The following TMEM64 variants were observed in gnomAD, a reference collection of about 807,000 sequenced individuals.
The protein encoded by TMEM64 is transmembrane protein 64.
TMEM64 carries 19 observed loss-of-function variants against 24.5 expected under a neutral mutation model. The observed-to-expected ratio is 0.78, with a 90% confidence interval of 0.54 to 1.14. The LOEUF is 1.14. Ranked by LOEUF, TMEM64 falls within the 50% of genes most tolerant of loss-of-function variation. The pLI, the probability that TMEM64 is intolerant of heterozygous loss-of-function variation, is 0.00. For synonymous variants in TMEM64, 262 were observed against 224.7 expected (o/e 1.17, Z -1.49); for missense variants, 487 against 493.0 (o/e 0.99, Z 0.12).
rs1206755269 is a variant in TMEM64, at chr8:90,645,723, G to GGCCGCCGCTGCT, written c.171_182dup (p.Ala58_Ala61dup). On this transcript the variant is annotated inframe_insertion, in exon 1 of 3. Transcript: ENST00000458549. This position sits in a 1 kb window ranked among gnomAD's most constrained non-coding sequence, Gnocchi z 4.2. ...GATAGGCGCCGAGCAGGGCGCCCGA[G>GGCCGCCGCTGCT]GCCGCCGCTGCTGCCGCCGCCGCGC... is the stretch of plus-strand genomic sequence containing the variant. The GGCCGCCGCTGCT allele has an allele frequency of 8.4e-7, 1 of 1,186,940 alleles. No homozygotes were observed. The highest frequency in any genetic ancestry group is 1.0e-6 in the Non-Finnish European group (1 of 960,558). 73.5% of individuals were successfully genotyped at this position (1,186,940 alleles called of 1,614,324 possible).
intron 1 of TMEM64, among the ~76,000 whole-genome samples, chr8:90,640,778 T>A (rs1271269888): frequency 2.0e-5 from 3 of 152,166 alleles, no homozygotes; most frequent in African/African-American, 7.2e-5. Flanking sequence ...TGATGACATC[T>A]TTCACTATTA....
Position 90,645,805 on chromosome 8 carries a change from G to C in TMEM64, c.101C>G (p.Pro34Arg). 1 of 1,031,300 alleles carries C rather than the reference G, an allele frequency of 9.7e-7. No individual in the cohort carries two copies. Among genetic ancestry groups the C allele is most frequent in the South Asian group, 4.4e-5 (1 of 22,560 alleles). The allele number at this position is 1,031,300 out of a possible 1,614,324, so 63.9% of individuals were successfully genotyped here. A position where few individuals can be genotyped will look rare whatever the true frequency, so the allele number is the denominator to read the frequency against. The change falls in exon 1 of 3, where the codon CCG (proline) becomes CGG (arginine). Residue 34 changes from proline to arginine, a missense_variant. This residue lies in a region of TMEM64 where 419 missense variants were observed against 407.5 expected (regional missense o/e 1.03). Coordinates refer to ENST00000458549, the MANE Select transcript of TMEM64 (RefSeq NM_001008495.4). The surrounding 1 kb of genome is among the most constrained non-coding windows in gnomAD (Gnocchi z 4.2). ...CGGGCCGTCCCCGCCCGCACCCCGC[G>C]GCAGGGCCCAGCGGGCCGGCAGCTC... is the stretch of plus-strand genomic sequence containing the variant. ...LAELPARWAL[P>R]RGAGGDGPAD...
chr8:90,646,037 G>A lies in TMEM64; in HGVS notation c.-132C>T. On this transcript the variant is annotated 5_prime_UTR_variant, in exon 1 of 3. The change creates a new upstream start codon in the 5' untranslated region. Transcript: ENST00000458549. Reference sequence around the variant, plus strand: ...CCGCTCAGAGGGTGGGAGACGGCCCGTAGAAGGGCGCGGAGTCAGCGGAGG... The same window carrying A: ...CCGCTCAGAGGGTGGGAGACGGCCCATAGAAGGGCGCGGAGTCAGCGGAGG... 3.0e-6 allele frequency: 1 copy of A among 334,596 alleles called. No individual in the cohort carries two copies. The highest frequency in any genetic ancestry group is 4.5e-6 in the Non-Finnish European group (1 of 223,324). 20.7% of individuals were successfully genotyped at this position (334,596 alleles called of 1,614,324 possible).
rs1181477548 is a variant in TMEM64 at position 90,642,664 on chromosome 8, G to A, written c.795+2447C>T. Among the ~76,000 whole-genome samples, 7 of 152,290 alleles carry A rather than the reference G, an allele frequency of 4.6e-5. 1 individual carries two copies. The South Asian group carries it at 1.0e-3, about 23-fold the overall frequency. On this transcript the variant is annotated intron_variant, in intron 1 of 2. Transcript: ENST00000458549. The stretch of plus-strand genomic sequence containing the variant: ...ATTCAGTAAACTGTTTTTGTTGAAA[G>A]GACTACTTCTGTAAGCAGGCAGTTC...
rs1278377520 is a variant in TMEM64, at chr8:90,622,789, G to T, written c.*2882C>A. 1 of 152,170 alleles carries T rather than the reference G, an allele frequency of 6.6e-6. No individual in the cohort carries two copies. The highest frequency in any genetic ancestry group is 1.5e-5 in the Non-Finnish European group (1 of 68,014). 9.4% of individuals were successfully genotyped at this position (152,170 alleles called of 1,614,324 possible). On this transcript the variant is annotated 3_prime_UTR_variant, in exon 3 of 3. Transcript: ENST00000458549. The stretch of plus-strand genomic sequence containing the variant: ...CCTATCAGGGAAAAGCCACCTAAAA[G>T]CATGTGTAGCTGGTTACAAAGTGCA...
intron 1 of TMEM64, among the ~76,000 whole-genome samples, chr8:90,642,833 G>A (rs1431362674): frequency 6.6e-6 from 1 of 152,188 alleles, no homozygotes; most frequent in Non-Finnish European, 1.5e-5. Flanking sequence ...CACTTGGTAG[G>A]TGGGTGACTG....
intron 1 of TMEM64, 113 bp downstream of exon 1, chr8:90,644,998 C>T: frequency 2.6e-6 from 3 of 1,156,984 alleles, no homozygotes; most frequent in Non-Finnish European, 3.7e-6. Context: ...TAACTCCTGC[C>T]GTCAATGTCA....
intron 1 of TMEM64, among the ~76,000 whole-genome samples, chr8:90,640,754 T>C (rs1453053959): frequency 6.6e-6 from 1 of 152,238 alleles, no homozygotes. Flanking sequence ...AACAGTTATA[T>C]CTGCTTAAAG....
intron 1 of TMEM64, among the ~76,000 whole-genome samples, chr8:90,641,900 A>T (rs1381642348): frequency 6.6e-6 from 1 of 152,224 alleles, no homozygotes; most frequent in Non-Finnish European, 1.5e-5. Flanking sequence ...ACAGCTTTGC[A>T]GCAGGTATTA....
rs1320987613 is a variant in TMEM64 at position 90,645,179 on chromosome 8, C to A, written c.727G>T (p.Gly243Cys). ...CTGGCCAGCGCCACCACTTTCAGGC[C>A]GCTTCCTCCCTCCACTACGCGAATA... The part of the protein sequence containing the change: ...AVIRVVEGGS[G>C]LKVVALARLT... The change falls in exon 1 of 3, where the codon GGC becomes TGC. Residue 243 changes from glycine to cysteine, a missense_variant. Physicochemically the swap from Gly to Cys is radical, Grantham distance 159. Around this residue, in one of 3 missense-constraint regions of TMEM64, gnomAD observed 419 missense variants for 407.5 expected, o/e 1.03. Coordinates refer to ENST00000458549, the MANE Select transcript of TMEM64 (RefSeq NM_001008495.4). This position sits in a 1 kb window ranked among gnomAD's most constrained non-coding sequence, Gnocchi z 4.2. 1.2e-6 allele frequency: 2 copies of A among 1,614,046 alleles called. No homozygotes were observed. Among genetic ancestry groups the A allele is most frequent in the African/African-American group, 2.7e-5 (2 of 74,940 alleles).
intron 1 of TMEM64, among the ~76,000 whole-genome samples, chr8:90,638,909 A>G (rs1393975674): frequency 6.6e-6 from 1 of 152,120 alleles, no homozygotes; most frequent in Non-Finnish European, 1.5e-5. Flanking sequence ...ACCTCAAGGG[A>G]GAGACTTTCT....
chr8:90,628,586 G>C (rs1165470520), intron 2 of TMEM64, among the ~76,000 whole-genome samples: 1 of 152,132 alleles, frequency 6.6e-6, no homozygotes, highest in African/African-American at 2.4e-5. Context: ...CAAAAGAATA[G>C]GGGCAAAGCA....
rs963076752 is a variant in TMEM64, at chr8:90,629,511, CA to C, written c.951+2040del. Among the ~76,000 whole-genome samples the C allele has an allele frequency of 1.9e-4, 29 of 151,502 alleles. 1 individual carries two copies. Among genetic ancestry groups the C allele is most frequent in the Admixed American group, 1.4e-3 (21 of 15,228 alleles). On this transcript the variant is annotated intron_variant, in intron 2 of 2. Coordinates refer to ENST00000458549, the MANE Select transcript of TMEM64 (RefSeq NM_001008495.4). ...TAGATTACTTATTTTCAGGAAACTA[CA>C]AAAAAAATGCTTAACTTCATACTAA...
At chr8:90,635,044 T>G (rs1341488046) in intron 1 of TMEM64, among the ~76,000 whole-genome samples, 2 of 152,182 alleles carry the variant, frequency 1.3e-5, no homozygotes. Flanking sequence ...CAACTGCTCA[T>G]GCGAGATGCT....
intron 2 of TMEM64, among the ~76,000 whole-genome samples, chr8:90,630,977 C>T (rs1176119517): frequency 6.6e-6 from 1 of 152,186 alleles, no homozygotes; most frequent in Non-Finnish European, 1.5e-5. Flanking sequence ...GTGCCCCAAA[C>T]TATATTACAA....
intron 1 of TMEM64, among the ~76,000 whole-genome samples, chr8:90,643,216 CAA>C (rs1046200824): frequency 3.9e-5 from 6 of 152,138 alleles, no homozygotes; most frequent in African/African-American, 1.2e-4. Context: ...GACCATGGTT[CAA>C]AGTTTGACTC....
At chr8:90,631,365 T>C (rs796974096) in intron 2 of TMEM64, among the ~76,000 whole-genome samples, 187 bp downstream of exon 2, 1 of 152,164 alleles carries the variant, frequency 6.6e-6, no homozygotes, top group South Asian at 2.1e-4. Context: ...AGTTCTACAC[T>C]TGCATATATC....
rs550087550 is a variant in TMEM64, at chr8:90,641,700, G to T, written c.795+3411C>A. Among the ~76,000 whole-genome samples the T allele has an allele frequency of 5.9e-5, 9 of 152,328 alleles. No homozygotes were observed. In the South Asian group the frequency reaches 1.0e-3, roughly 18 times the overall value. ...TCAACTGCTTCAGCTATAAGATGAG[G>T]ATCAGGGCTGAAATGAACAGTAAAT... is the stretch of plus-strand genomic sequence containing the variant. On this transcript the variant is annotated intron_variant, in intron 1 of 2. Transcript: ENST00000458549.
In TMEM64 at chr8:90,645,088, T is replaced by C. The variant is rs1012642403; in HGVS notation, c.795+23A>G. On this transcript the variant is annotated intron_variant, in intron 1 of 2. Coordinates refer to ENST00000458549, the MANE Select transcript of TMEM64 (RefSeq NM_001008495.4). This position sits in a 1 kb window ranked among gnomAD's most constrained non-coding sequence, Gnocchi z 4.2. The stretch of plus-strand genomic sequence containing the variant: ...GCTCAAAAACAGACTTGGAGAGGGA[T>C]AGGCCAGCGGGACCCCACTTACCGA... The C allele has an allele frequency of 2.3e-5, 36 of 1,584,584 alleles. No homozygotes were observed. Among genetic ancestry groups the C allele is most frequent in the African/African-American group, 5.4e-5 (4 of 74,474 alleles).
Sources: gnomAD v4.1 joint callset for allele counts (sites outside exome capture counted in the v4.1 genomes callset) on GRCh38, gnomAD v4.1.1 for gene constraint, gnomAD v4.1.1 regional missense constraint, Gnocchi (gnomAD v3.1) non-coding constraint, MANE v1.5 for transcripts, NCBI Gene and HGNC (gene_info 2026-07-23, HGNC 2026-07-21) for gene names.